The following MIOS variants were observed in gnomAD, a reference collection of about 807,000 sequenced individuals.
MIOS encodes the protein GATOR2 complex protein MIOS.
MIOS carries 52 observed loss-of-function variants against 96.9 expected under a neutral mutation model. That is an observed-to-expected ratio of 0.54 (90% CI 0.43 to 0.68). The LOEUF is 0.68. Among genes scored for constraint, MIOS ranks in the 30% least tolerant of loss-of-function variants. The probability of loss-of-function intolerance (pLI) is 0.00; values close to 1 mark genes in which losing one functional copy is unlikely to be tolerated. For missense variants in MIOS, 1,005 were observed against 1,052.8 expected, an observed-to-expected ratio of 0.95 and a Z score of 0.63; for synonymous variants, 397 against 359.5, an observed-to-expected ratio of 1.10 and a Z score of -1.18.
At position 7,589,414 on chromosome 7, in the gene MIOS, T is replaced by TA; in HGVS notation, c.1895dup (p.Tyr632Ter). Residue 632 changes from tyrosine to a stop codon, truncating the protein, a stop_gained and frameshift_variant, in exon 9 of 13, where the codon TAC (tyrosine) becomes TAAC (stop). Transcript: ENST00000340080. ...KFLSDTQLNR[Y>*]IEKLTNEMKE... ...ACTTTAAATTTTCCAGTTAAATAGA[T>TA]ACATCGAAAAGTTGACCAATGAAAT... 1.2e-6 allele frequency: 2 copies of TA among 1,613,194 alleles called. No individual in the cohort carries two copies. The highest frequency in any genetic ancestry group is 1.7e-6 in the Non-Finnish European group (2 of 1,179,438).
chr7:7,599,846 C>G (rs78262029), intron 11 of MIOS, among the ~76,000 whole-genome samples: 15,368 of 152,238 alleles, frequency 0.1, 859 homozygotes, highest in Middle Eastern at 0.23. Flanking sequence ...ACATACACAG[C>G]ATAGAATACT....
intron 5 of MIOS, among the ~76,000 whole-genome samples, chr7:7,577,059 G>T (rs556967163): frequency 6.6e-6 from 1 of 152,328 alleles, no homozygotes; most frequent in African/African-American, 2.4e-5. Context: ...AAGCCCAGGG[G>T]AGGAATATAA....
intron 7 of MIOS, among the ~76,000 whole-genome samples, 191 bp downstream of exon 7, chr7:7,585,996 A>G (rs1335136173): frequency 1.3e-5 from 2 of 151,906 alleles, no homozygotes; most frequent in Non-Finnish European, 2.9e-5. Flanking sequence ...AGAGTTAGTT[A>G]ACTGATACCA....
chr7:7,607,098 T>TA lies in MIOS; in HGVS notation c.*7dup, dbSNP rs1784554359. On this transcript the variant is annotated 3_prime_UTR_variant, in exon 13 of 13. Transcript: ENST00000340080. Reference sequence around the variant, plus strand: ...CAGAGACTGTCCAGCCATAAAATGTTACCACCTTAAGAGAACCCTTCAAGT... The same window carrying TA: ...CAGAGACTGTCCAGCCATAAAATGTTAACCACCTTAAGAGAACCCTTCAAGT... 6.2e-7 allele frequency: 1 copy of TA among 1,604,996 alleles called. No homozygotes were observed. Among genetic ancestry groups the TA allele is most frequent in the East Asian group, 2.2e-5 (1 of 44,694 alleles).
Position 7,596,192 on chromosome 7 carries a change from C to G in MIOS, c.2197-65C>G, listed in dbSNP as rs781773017. 66 of 1,391,580 alleles carry G rather than the reference C, an allele frequency of 4.7e-5. 1 individual carries two copies. Among genetic ancestry groups the G allele is most frequent in the Non-Finnish European group, 6.6e-5 (66 of 1,002,118 alleles). 86.2% of individuals were successfully genotyped at this position (1,391,580 alleles called of 1,614,324 possible). A position where few individuals can be genotyped will look rare whatever the true frequency, so the allele number is the denominator to read the frequency against. ...TTAAAAATAATTTGTTAGGCGCACA[C>G]TAAGTTATTTAGCATTCCATTATGG... is the stretch of plus-strand genomic sequence containing the variant. On this transcript the variant is annotated intron_variant, in intron 10 of 12. Transcript: ENST00000340080.
intron 10 of MIOS, 66 bp downstream of exon 10, chr7:7,595,198 T>G: frequency 6.6e-7 from 1 of 1,520,602 alleles, no homozygotes; most frequent in Non-Finnish European, 8.9e-7. Context: ...TAAGTTACTA[T>G]TAGCTCATTA....
chr7:7,594,481 G>T (rs1583649694), intron 9 of MIOS, among the ~76,000 whole-genome samples: 2 of 152,088 alleles, frequency 1.3e-5, no homozygotes, highest in Admixed American at 6.6e-5. Context: ...TTTTACTAGA[G>T]ACAGGGTTTC....
chr7:7,585,898 A>T, intron 7 of MIOS, 93 bp downstream of exon 7: 2 of 1,178,486 alleles, frequency 1.7e-6, no homozygotes, highest in Non-Finnish European at 2.3e-6. Context: ...GTTGCATAAA[A>T]TATTATATTT....
At chr7:7,579,436 ATGG>A (rs1210256012) in intron 5 of MIOS, among the ~76,000 whole-genome samples, 2 of 152,178 alleles carry the variant, frequency 1.3e-5, no homozygotes, top group Non-Finnish European at 2.9e-5. Context: ...TGCATATATA[ATGG>A]TGGCCCCATA....
chr7:7,575,129 A>C (rs1465416930), intron 5 of MIOS, among the ~76,000 whole-genome samples: 2 of 152,100 alleles, frequency 1.3e-5, no homozygotes, highest in Non-Finnish European at 2.9e-5. Context: ...TTGGTAAGTC[A>C]AATTTGGGCC....
At chr7:7,602,509 A>G (rs1208301385) in intron 11 of MIOS, among the ~76,000 whole-genome samples, 9 of 152,144 alleles carry the variant, frequency 5.9e-5, no homozygotes, top group South Asian at 2.1e-4. Context: ...TAGGAATCCA[A>G]CTTACAAGGG....
In MIOS at chr7:7,568,365, G is replaced by A. The variant is rs988928653; in HGVS notation, c.-41+242G>A. On this transcript the variant is annotated intron_variant, in intron 3 of 12. Coordinates refer to ENST00000340080, the MANE Select transcript of MIOS (RefSeq NM_019005.4). ...TTTTGGAGTATTACAAGATTTGTTA[G>A]GATCTGAGCTGGGGAGTGGCTGTAG... Among the ~76,000 whole-genome samples the A allele has an allele frequency of 2.0e-5, 3 of 152,152 alleles. No individual in the cohort carries two copies. The East Asian group carries it at 5.8e-4, about 29-fold the overall frequency.
intron 11 of MIOS, among the ~76,000 whole-genome samples, chr7:7,604,448 A>T (rs1784469050): frequency 6.6e-6 from 1 of 152,232 alleles, no homozygotes; most frequent in African/African-American, 2.4e-5. Context: ...AATATTATTT[A>T]TTCAACAAAT....
chr7:7,597,104 A>G (rs1358189108), intron 11 of MIOS, among the ~76,000 whole-genome samples: 1 of 152,114 alleles, frequency 6.6e-6, no homozygotes, highest in Non-Finnish European at 1.5e-5. Flanking sequence ...AGGCTGGCAG[A>G]TCACAAGGTC....
chr7:7,575,548 A>G (rs537747625), intron 5 of MIOS, among the ~76,000 whole-genome samples: 1 of 152,316 alleles, frequency 6.6e-6, no homozygotes, highest in Non-Finnish European at 1.5e-5. Context: ...ACCATGGTTC[A>G]AGATTTTAGA....
At chr7:7,578,345 TG>T (rs1400060515) in intron 5 of MIOS, among the ~76,000 whole-genome samples, 1 of 152,200 alleles carries the variant, frequency 6.6e-6, no homozygotes, top group Non-Finnish European at 1.5e-5. Context: ...TAAAAAATAT[TG>T]GCCTGCTTTA....
At chr7:7,586,641 A>G (rs1306018233) in intron 7 of MIOS, among the ~76,000 whole-genome samples, 1 of 152,222 alleles carries the variant, frequency 6.6e-6, no homozygotes, top group Non-Finnish European at 1.5e-5. Flanking sequence ...AAAAATATGT[A>G]TTTTATTGGA....
intron 9 of MIOS, among the ~76,000 whole-genome samples, chr7:7,590,218 A>G (rs942088211): frequency 1.3e-5 from 2 of 152,034 alleles, no homozygotes; most frequent in African/African-American, 4.8e-5. Flanking sequence ...CATACTGTGT[A>G]CTGGGTGAAC....
At chr7:7,604,108 A>G (rs895009137) in intron 11 of MIOS, among the ~76,000 whole-genome samples, 5 of 152,088 alleles carry the variant, frequency 3.3e-5, no homozygotes, top group African/African-American at 1.2e-4. Context: ...AGATATACCT[A>G]ATGCTAAATG....
Sources: allele counts gnomAD v4.1 joint callset (sites outside exome capture counted in the v4.1 genomes callset), GRCh38; gene constraint gnomAD v4.1.1; transcripts MANE v1.5; gene names NCBI Gene and HGNC (gene_info 2026-07-23, HGNC 2026-07-21).